Variants in PDSS1 observed in about 807,000 individuals in gnomAD.
PDSS1 encodes the protein decaprenyl diphosphate synthase subunit 1.
PDSS1 carries 43 observed loss-of-function variants against 57.5 expected under a neutral mutation model. That is an observed-to-expected ratio of 0.75 (90% CI 0.59 to 0.96). The LOEUF is 0.96. Among genes scored for constraint, PDSS1 ranks in the 50% least tolerant of loss-of-function variants. The pLI, the probability that PDSS1 is intolerant of heterozygous loss-of-function variation, is 0.00. For synonymous variants in PDSS1, 175 were observed against 191.3 expected, an observed-to-expected ratio of 0.91 and a Z score of 0.70; for missense variants, 438 against 527.8, an observed-to-expected ratio of 0.83 and a Z score of 1.67.
intron 10 of PDSS1, chr10:26,740,497 C>A: frequency 5.0e-6 from 2 of 399,596 alleles, no homozygotes. Context: ...ATGTTTAGAG[C>A]TTTGTTCTGA....
rs118008559 is a variant in PDSS1, at chr10:26,707,258, C to G, written c.336+1864C>G. Among the ~76,000 whole-genome samples, 950 of 152,262 alleles carry G rather than the reference C, an allele frequency of 6.2e-3. 6 individuals carry two copies. Among genetic ancestry groups the G allele is most frequent in the Non-Finnish European group, 9.9e-3 (672 of 68,020 alleles). ...CCAATTAAGCTCTGCCATTTTGCCT[C>G]TTAGTGTGCATGGTTGAGCCGACTC... On this transcript the variant is annotated intron_variant, in intron 4 of 11. Transcript: ENST00000376215.
intron 8 of PDSS1, among the ~76,000 whole-genome samples, chr10:26,727,069 AC>A (rs57136671): frequency 0.67 from 98,267 of 147,680 alleles, 32,702 homozygotes; most frequent in South Asian, 0.79. Flanking sequence ...CAAAAAAAAA[AC>A]AAACAAACCA....
chr10:26,731,588 A>T (rs2132291083), intron 8 of PDSS1, among the ~76,000 whole-genome samples: 1 of 152,246 alleles, frequency 6.6e-6, no homozygotes, highest in South Asian at 2.1e-4. Context: ...GCACCACCAG[A>T]TTTCCCTCTG....
intron 8 of PDSS1, 136 bp from the exon 9 acceptor site, chr10:26,735,104 C>T (rs1418477882): frequency 4.0e-6 from 3 of 743,674 alleles, no homozygotes; most frequent in Non-Finnish European, 7.4e-6. Flanking sequence ...CTTGGTGTCC[C>T]TCTGATGTCA....
chr10:26,735,903 T>C (rs2132302691), intron 10 of PDSS1, among the ~76,000 whole-genome samples: 1 of 152,336 alleles, frequency 6.6e-6, no homozygotes, highest in African/African-American at 2.4e-5. Context: ...TATTTCCATA[T>C]ATTTTGGCCA....
At chr10:26,730,462 A>G (rs1453918689) in intron 8 of PDSS1, among the ~76,000 whole-genome samples, 2 of 151,678 alleles carry the variant, frequency 1.3e-5, no homozygotes, top group African/African-American at 4.8e-5. Flanking sequence ...TACAAAAATT[A>G]GCTGGGTGTG....
chr10:26,700,076 AC>A (rs1424338185), intron 1 of PDSS1, among the ~76,000 whole-genome samples: 2 of 152,206 alleles, frequency 1.3e-5, no homozygotes, highest in African/African-American at 4.8e-5. Context: ...CATTCTTCTG[AC>A]TTCACTAGTA....
chr10:26,743,080 A>G (rs1588711281), intron 11 of PDSS1, among the ~76,000 whole-genome samples: 2 of 149,296 alleles, frequency 1.3e-5, no homozygotes, highest in Non-Finnish European at 2.9e-5. Context: ...ATTGAAAACA[A>G]TAAACCAACA....
chr10:26,734,353 CAG>C (rs1415427892), intron 8 of PDSS1, among the ~76,000 whole-genome samples: 2 of 152,230 alleles, frequency 1.3e-5, no homozygotes, highest in Non-Finnish European at 2.9e-5. Flanking sequence ...GGAGAGTCAA[CAG>C]AGACATTTCC....
chr10:26,700,421 TAGTG>T (rs1451211515), intron 1 of PDSS1, among the ~76,000 whole-genome samples: 12 of 152,120 alleles, frequency 7.9e-5, no homozygotes, highest in African/African-American at 2.7e-4. Context: ...CTGGGCCACT[TAGTG>T]AGACCTCCTG....
At chr10:26,710,557 C>T (rs1835387006) in intron 5 of PDSS1, among the ~76,000 whole-genome samples, 1 of 87,938 alleles carries the variant, frequency 1.1e-5, no homozygotes, top group Non-Finnish European at 2.6e-5. Context: ...CCAGGCTGGT[C>T]TCAAACTCCT....
chr10:26,728,490 C>CAAAAAAAAAAAAAAAAAAA (rs1182551497), intron 8 of PDSS1, among the ~76,000 whole-genome samples: 10 of 145,298 alleles, frequency 6.9e-5, no homozygotes, highest in African/African-American at 2.3e-4. Context: ...AACTCCATCT[C>CAAAAAAAAAAAAAAAAAAA]AAAAAAAAAA....
chr10:26,700,255 C>T (rs1835005175), intron 1 of PDSS1, among the ~76,000 whole-genome samples: 1 of 138,548 alleles, frequency 7.2e-6, no homozygotes, highest in Non-Finnish European at 1.6e-5. Context: ...ATTCCCCCCT[C>T]CCCCCCACCC....
intron 6 of PDSS1, among the ~76,000 whole-genome samples, chr10:26,721,962 A>AC (rs1404392067): frequency 2.7e-5 from 4 of 150,568 alleles, no homozygotes; most frequent in African/African-American, 9.8e-5. Flanking sequence ...CCGGTACAAA[A>AC]CCCCCCACAC....
At chr10:26,743,611 A>G (rs1836704584) in intron 11 of PDSS1, among the ~76,000 whole-genome samples, 1 of 152,216 alleles carries the variant, frequency 6.6e-6, no homozygotes, top group African/African-American at 2.4e-5. Flanking sequence ...GGCTTCAGAA[A>G]TAATGGTATT....
intron 1 of PDSS1, among the ~76,000 whole-genome samples, chr10:26,699,583 C>T (rs542663517): frequency 9.9e-5 from 15 of 151,996 alleles, no homozygotes; most frequent in African/African-American, 3.6e-4. Flanking sequence ...TTAGTAGAGA[C>T]GGCATTTCAC....
intron 11 of PDSS1, among the ~76,000 whole-genome samples, chr10:26,743,745 A>G (rs925878354): frequency 6.6e-6 from 1 of 152,206 alleles, no homozygotes; most frequent in Non-Finnish European, 1.5e-5. Context: ...AATCCACGGG[A>G]ATGTTCTCTG....
At chr10:26,734,572 T>A in intron 8 of PDSS1, 2 of 416,568 alleles carry the variant, frequency 4.8e-6, no homozygotes, top group Non-Finnish European at 4.8e-6. Context: ...GGGAAAAGGG[T>A]TTTTATACAG....
chr10:26,736,613 C>T (rs1407814028), intron 10 of PDSS1, among the ~76,000 whole-genome samples: 1 of 152,128 alleles, frequency 6.6e-6, no homozygotes, highest in Non-Finnish European at 1.5e-5. Context: ...CTAGCATAGC[C>T]ATTGGCAGCA....
Sources: allele counts gnomAD v4.1 joint callset (sites outside exome capture counted in the v4.1 genomes callset), GRCh38; gene constraint gnomAD v4.1.1; transcripts MANE v1.5; gene names NCBI Gene and HGNC (gene_info 2026-07-23, HGNC 2026-07-21).